GRIA4: variants seen among roughly 807,000 people sequenced by gnomAD.
The protein encoded by GRIA4 is glutamate ionotropic receptor AMPA type subunit 4, also known as glutamate receptor 4.
A neutral mutation model predicts 104.0 loss-of-function variants in GRIA4; 34 were observed. That is an observed-to-expected ratio of 0.33 (90% CI 0.25 to 0.44). The LOEUF is 0.44. Ranked by LOEUF, GRIA4 falls within the 20% of genes least tolerant of loss-of-function variation. GRIA4 has a pLI of 1.00. For synonymous variants in GRIA4, 386 were observed against 381.9 expected, an observed-to-expected ratio of 1.01 and a Z score of -0.13; for missense variants, 750 against 1,096.5, an observed-to-expected ratio of 0.68 and a Z score of 4.46.
intron 3 of GRIA4, among the ~76,000 whole-genome samples, chr11:105,688,110 A>G (rs1952943766): frequency 1.9e-5 from 1 of 52,728 alleles, no homozygotes; most frequent in South Asian, 5.7e-4. Context: ...TCTCATATCT[A>G]TATCTATATC....
chr11:105,736,548 T>C (rs190560779), intron 3 of GRIA4, among the ~76,000 whole-genome samples: 2 of 152,182 alleles, frequency 1.3e-5, no homozygotes, highest in East Asian at 1.9e-4. Flanking sequence ...AGTATATATA[T>C]AGTATACATG....
At position 105,807,122 on chromosome 11, in the gene GRIA4, G is replaced by A. The variant is rs186773372; in HGVS notation, c.487+53902G>A. ...ATGGATGGCTCAAAACAACAAATGAGGGAAAAATCCTTATTTATGTCATTA... is the reference window on the plus strand; with the variant it reads ...ATGGATGGCTCAAAACAACAAATGAAGGAAAAATCCTTATTTATGTCATTA... On this transcript the variant is annotated intron_variant, in intron 4 of 16. Transcript: ENST00000282499. Among the ~76,000 whole-genome samples the A allele has an allele frequency of 7.2e-5, 11 of 151,744 alleles. No homozygotes were observed. The East Asian group carries it at 2.1e-3, about 29-fold the overall frequency.
intron 3 of GRIA4, among the ~76,000 whole-genome samples, chr11:105,648,152 G>A (rs1218760773): frequency 6.6e-6 from 1 of 151,760 alleles, no homozygotes; most frequent in Non-Finnish European, 1.5e-5. Flanking sequence ...CATAGTGGAG[G>A]AAAGTATGAT....
chr11:105,936,693 T>C (rs979724057), intron 14 of GRIA4, among the ~76,000 whole-genome samples: 1 of 152,182 alleles, frequency 6.6e-6, no homozygotes, highest in Admixed American at 6.6e-5. Flanking sequence ...GAGAGTACGA[T>C]ATATAACCAG....
chr11:105,614,781 T>C (rs1333227653), intron 3 of GRIA4, among the ~76,000 whole-genome samples: 1 of 151,916 alleles, frequency 6.6e-6, no homozygotes, highest in African/African-American at 2.4e-5. Context: ...AAAAAATCAA[T>C]AGTCAAGAGT....
intron 4 of GRIA4, among the ~76,000 whole-genome samples, chr11:105,798,175 T>C (rs542304554): frequency 6.6e-6 from 1 of 152,054 alleles, no homozygotes; most frequent in South Asian, 2.1e-4. Context: ...AAGTGGACAC[T>C]TAAAAAGATG....
At chr11:105,842,201 T>C (rs142371024) in intron 4 of GRIA4, among the ~76,000 whole-genome samples, 1 of 152,094 alleles carries the variant, frequency 6.6e-6, no homozygotes, top group Admixed American at 6.5e-5. Context: ...TTGACCAGAA[T>C]AGAGTGAGCA....
intron 4 of GRIA4, among the ~76,000 whole-genome samples, chr11:105,782,962 A>G (rs1255664173): frequency 6.6e-6 from 1 of 152,194 alleles, no homozygotes; most frequent in Non-Finnish European, 1.5e-5. Flanking sequence ...ATACATACAC[A>G]CACAAACAAA....
At chr11:105,650,656 T>C (rs925626970) in intron 3 of GRIA4, among the ~76,000 whole-genome samples, 13 of 152,144 alleles carry the variant, frequency 8.5e-5, no homozygotes, top group African/African-American at 3.1e-4. Context: ...TTTTTAAAAA[T>C]ATGAATTCCT....
At chr11:105,795,637 T>C (rs1942448422) in intron 4 of GRIA4, among the ~76,000 whole-genome samples, 1 of 152,038 alleles carries the variant, frequency 6.6e-6, no homozygotes, top group South Asian at 2.1e-4. Flanking sequence ...AAGATCACTC[T>C]GGAGAGAACT....
chr11:105,805,041 A>T (rs1942888515), intron 4 of GRIA4, among the ~76,000 whole-genome samples: 1 of 152,018 alleles, frequency 6.6e-6, no homozygotes, highest in Non-Finnish European at 1.5e-5. Flanking sequence ...TCTTAGACAC[A>T]TAATTTTATA....
In GRIA4 at chr11:105,789,838, C is replaced by T. The variant is rs574115154; in HGVS notation, c.487+36618C>T. Among the ~76,000 whole-genome samples the T allele has an allele frequency of 6.6e-5, 10 of 152,232 alleles. No homozygotes were observed. In the South Asian group the frequency reaches 1.9e-3, roughly 28 times the overall value. On this transcript the variant is annotated intron_variant, in intron 4 of 16. Transcript: ENST00000282499. ...TTCATTATTGCTCAGGGTGACTTTACTGATCAAAAGAAGCAGCACCAAAAA... is the reference window on the plus strand; with the variant it reads ...TTCATTATTGCTCAGGGTGACTTTATTGATCAAAAGAAGCAGCACCAAAAA...
At chr11:105,742,338 A>G (rs1296821428) in intron 3 of GRIA4, among the ~76,000 whole-genome samples, 1 of 152,164 alleles carries the variant, frequency 6.6e-6, no homozygotes, top group East Asian at 1.9e-4. Context: ...TATGAAATCT[A>G]TGAAATGAGG....
At chr11:105,658,237 A>G (rs1439792540) in intron 3 of GRIA4, among the ~76,000 whole-genome samples, 1 of 151,860 alleles carries the variant, frequency 6.6e-6, no homozygotes, top group Non-Finnish European at 1.5e-5. Context: ...TAGTATTCAA[A>G]TATGAAATAT....
At chr11:105,802,874 ATAT>A (rs1942782530) in intron 4 of GRIA4, among the ~76,000 whole-genome samples, 1 of 151,816 alleles carries the variant, frequency 6.6e-6, no homozygotes, top group African/African-American at 2.4e-5. Flanking sequence ...AAGAATATAA[ATAT>A]TATAGATATT....
intron 5 of GRIA4, among the ~76,000 whole-genome samples, chr11:105,864,878 A>G (rs1945350602): frequency 6.6e-6 from 1 of 152,188 alleles, no homozygotes; most frequent in African/African-American, 2.4e-5. Flanking sequence ...CTCAAAAAAA[A>G]AAATTTCTAG....
At chr11:105,810,080 A>G (rs1436640950) in intron 4 of GRIA4, among the ~76,000 whole-genome samples, 1 of 152,162 alleles carries the variant, frequency 6.6e-6, no homozygotes, top group Non-Finnish European at 1.5e-5. Context: ...CCACTGATCC[A>G]TCACTGTTGA....
chr11:105,669,349 CTA>C (rs1344516062), intron 3 of GRIA4, among the ~76,000 whole-genome samples: 1 of 151,616 alleles, frequency 6.6e-6, no homozygotes, highest in Non-Finnish European at 1.5e-5. Context: ...TAGTCATATA[CTA>C]TGTCATATAC....
intron 3 of GRIA4, among the ~76,000 whole-genome samples, chr11:105,733,795 G>A (rs1267621625): frequency 1.3e-5 from 2 of 149,410 alleles, no homozygotes; most frequent in Non-Finnish European, 3.0e-5. Flanking sequence ...TCCTGCTTCA[G>A]CAGTAGTCGA....
Sources: gnomAD v4.1 joint callset for allele counts (sites outside exome capture counted in the v4.1 genomes callset) on GRCh38, gnomAD v4.1.1 for gene constraint, MANE v1.5 for transcripts, NCBI Gene and HGNC (gene_info 2026-07-23, HGNC 2026-07-21) for gene names.